SPSB4: variants seen among roughly 807,000 people sequenced by gnomAD.
SPSB4 encodes splA/ryanodine receptor domain and SOCS box containing 4.
SPSB4 carries 21 observed loss-of-function variants against 20.9 expected under a neutral mutation model. The observed-to-expected ratio is 1.01, with a 90% CI of 0.71 to 1.45. The LOEUF (loss-of-function observed/expected upper bound fraction) is 1.45. Among genes scored for constraint, SPSB4 ranks in the 40% most tolerant of loss-of-function variants. The pLI, the probability that SPSB4 is intolerant of heterozygous loss-of-function variation, is 0.00. For missense variants in SPSB4, 399 were observed against 399.2 expected (o/e 1.00, Z 0.00); for synonymous variants, 207 against 183.8 (o/e 1.13, Z -1.02).
At chr3:141,062,836 A>ATGTGTGTCTGTCTAAGGCCCCTCCTT (rs1937790475) in intron 1 of SPSB4, among the ~76,000 whole-genome samples, 2 of 152,088 alleles carry the variant, frequency 1.3e-5, no homozygotes, top group African/African-American at 4.8e-5. Context: ...ACTTGAAAAG[A>ATGTGTGTCTGTCTAAGGCCCCTCCTT]ACATGCATTC....
At chr3:141,093,144 C>A (rs1181255817) in intron 2 of SPSB4, among the ~76,000 whole-genome samples, 1 of 151,904 alleles carries the variant, frequency 6.6e-6, no homozygotes, top group African/African-American at 2.4e-5. Flanking sequence ...GGGGCAGCTG[C>A]AGGGATGTGG....
At chr3:141,086,397 C>G (rs1340618200) in intron 2 of SPSB4, among the ~76,000 whole-genome samples, 1 of 152,188 alleles carries the variant, frequency 6.6e-6, no homozygotes, top group Non-Finnish European at 1.5e-5. Flanking sequence ...GATCCTGCAT[C>G]TGTTAATTAA....
chr3:141,093,788 G>C (rs144759038), intron 2 of SPSB4, among the ~76,000 whole-genome samples: 1,607 of 152,328 alleles, frequency 0.011, 8 homozygotes, highest in Non-Finnish European at 0.017. Context: ...CACCAGCTGG[G>C]CATGAAGAGC....
At chr3:141,077,464 CT>C (rs1433221142) in intron 2 of SPSB4, 9 of 152,260 alleles carry the variant, frequency 5.9e-5, no homozygotes, top group African/African-American at 2.2e-4. Flanking sequence ...ATCATCCCAG[CT>C]TTGAAGTCAT....
rs1277134741 is a variant in SPSB4, at chr3:141,125,615, G to A, written c.695-21527G>A. Reference sequence around the variant, plus strand: ...CTCAGTCTGCCTGCAGAAATAAGCAGTGAATGGATTTCAGGCATGGGCCCA... The same window carrying A: ...CTCAGTCTGCCTGCAGAAATAAGCAATGAATGGATTTCAGGCATGGGCCCA... On this transcript the variant is annotated intron_variant, in intron 2 of 2. Coordinates refer to ENST00000310546, the MANE Select transcript of SPSB4 (RefSeq NM_080862.3). Among the ~76,000 whole-genome samples, 7 of 152,344 alleles carry A rather than the reference G, an allele frequency of 4.6e-5. No homozygotes were observed. The South Asian group carries it at 1.2e-3, about 27-fold the overall frequency.
intron 2 of SPSB4, 72 bp downstream of exon 2, chr3:141,066,870 C>T: frequency 7.1e-7 from 1 of 1,401,664 alleles, no homozygotes; most frequent in South Asian, 1.7e-5. Context: ...GCAGGCCACA[C>T]CTCCATCGCC....
At chr3:141,095,283 C>A (rs1196528794) in intron 2 of SPSB4, among the ~76,000 whole-genome samples, 1 of 152,144 alleles carries the variant, frequency 6.6e-6, no homozygotes, top group Non-Finnish European at 1.5e-5. Context: ...TTCCGGGCTA[C>A]TGCGAGGCGG....
At chr3:141,143,588 A>G (rs1939370300) in intron 2 of SPSB4, among the ~76,000 whole-genome samples, 1 of 152,226 alleles carries the variant, frequency 6.6e-6, no homozygotes, top group South Asian at 2.1e-4. Context: ...GCTTTCTCTA[A>G]TGCTGGTTAT....
At chr3:141,111,737 G>C (rs1247146307) in intron 2 of SPSB4, among the ~76,000 whole-genome samples, 1 of 152,186 alleles carries the variant, frequency 6.6e-6, no homozygotes, top group Non-Finnish European at 1.5e-5. Flanking sequence ...AGCAAATGGA[G>C]TGTTTGGGTC....
In SPSB4 at chr3:141,121,456, C is replaced by T. The variant is rs534635165; in HGVS notation, c.695-25686C>T. Among the ~76,000 whole-genome samples the T allele has an allele frequency of 3.3e-5, 5 of 152,242 alleles. No homozygotes were observed. In the South Asian group the frequency reaches 1.0e-3, roughly 32 times the overall value. On this transcript the variant is annotated intron_variant, in intron 2 of 2. Coordinates refer to ENST00000310546, the MANE Select transcript of SPSB4 (RefSeq NM_080862.3). ...TGTATTTCCTGAATTTGAATGTTGG[C>T]CTGCCTTGCTAGGTTGGGGAAGTTC...
At chr3:141,111,894 G>A (rs1938803000) in intron 2 of SPSB4, among the ~76,000 whole-genome samples, 2 of 152,138 alleles carry the variant, frequency 1.3e-5, no homozygotes, top group African/African-American at 4.8e-5. Context: ...TTCCTCAGAA[G>A]ACCTCAAAGC....
intron 2 of SPSB4, among the ~76,000 whole-genome samples, chr3:141,092,688 G>T (rs2107792434): frequency 6.6e-6 from 1 of 152,342 alleles, no homozygotes; most frequent in Admixed American, 6.5e-5. Flanking sequence ...CTTGCTGTGG[G>T]GTTTACTGCT....
rs190955717 is a variant in SPSB4 at position 141,094,514 on chromosome 3, C to T, written c.694+27716C>T. On this transcript the variant is annotated intron_variant, in intron 2 of 2. Transcript: ENST00000310546. ...TGCATGCACTCTTGTGCCCTGAACTCGGAGAATGGCTGGTGAGAGACTCAG... is the reference window on the plus strand; with the variant it reads ...TGCATGCACTCTTGTGCCCTGAACTTGGAGAATGGCTGGTGAGAGACTCAG... 3.6e-4 allele frequency among the ~76,000 whole-genome samples: 55 copies of T among 152,202 alleles called. No individual in the cohort carries two copies. The East Asian group carries it at 4.8e-3, about 13-fold the overall frequency.
chr3:141,091,031 G>A (rs1938441120), intron 2 of SPSB4, among the ~76,000 whole-genome samples: 1 of 152,226 alleles, frequency 6.6e-6, no homozygotes, highest in South Asian at 2.1e-4. Context: ...TGGAAGGATG[G>A]AGGGGCCATT....
In SPSB4 at chr3:141,066,125, G is replaced by A; in HGVS notation, c.21G>A (p.Gly7=). The part of the protein sequence containing the change: MGQKLS[G]SLKSVEVREP... The stretch of plus-strand genomic sequence containing the variant: ...GAAGCATGGGCCAGAAGCTCTCGGG[G>A]AGCCTCAAGTCAGTGGAGGTGCGAG... The change falls in exon 2 of 3, where the codon GGG becomes GGA. Residue 7 remains glycine (G), a synonymous_variant. Coordinates refer to ENST00000310546, the MANE Select transcript of SPSB4 (RefSeq NM_080862.3). The A allele has an allele frequency of 6.5e-7, 1 of 1,530,626 alleles. No homozygotes were observed. The highest frequency in any genetic ancestry group is 8.8e-7 in the Non-Finnish European group (1 of 1,141,828). 94.8% of individuals were successfully genotyped at this position (1,530,626 alleles called of 1,614,324 possible).
At chr3:141,121,417 T>G (rs1938964778) in intron 2 of SPSB4, among the ~76,000 whole-genome samples, 1 of 152,342 alleles carries the variant, frequency 6.6e-6, no homozygotes, top group Admixed American at 6.5e-5. Flanking sequence ...AAGGAGTATC[T>G]TTGTGGTATT....
At chr3:141,136,088 G>C (rs573081452) in intron 2 of SPSB4, among the ~76,000 whole-genome samples, 2 of 152,154 alleles carry the variant, frequency 1.3e-5, no homozygotes, top group African/African-American at 2.4e-5. Flanking sequence ...TTTCTCTGAT[G>C]GCCAGTGATG....
chr3:141,104,058 T>A (rs1362819062), intron 2 of SPSB4, among the ~76,000 whole-genome samples: 1 of 152,168 alleles, frequency 6.6e-6, no homozygotes, highest in Non-Finnish European at 1.5e-5. Context: ...AGTGAAATGA[T>A]CTCAGCAGTG....
At position 141,147,969 on chromosome 3, in the gene SPSB4, G is replaced by T. The variant is rs748289055; in HGVS notation, c.*700G>T. On this transcript the variant is annotated 3_prime_UTR_variant, in exon 3 of 3. Transcript: ENST00000310546. ...CTGGATGCCCAGACACCTCTCTTCA[G>T]GGAAGATGAGTCTGACTGGTTTGCC... The T allele has an allele frequency of 1.4e-4, 21 of 153,020 alleles. No individual in the cohort carries two copies. Among genetic ancestry groups the T allele is most frequent in the Non-Finnish European group, 2.9e-4 (20 of 68,240 alleles). The allele number at this position is 153,020 out of a possible 1,614,324, so 9.5% of individuals were successfully genotyped here.
Sources: gnomAD v4.1 joint callset for allele counts (sites outside exome capture counted in the v4.1 genomes callset) on GRCh38, gnomAD v4.1.1 for gene constraint, MANE v1.5 for transcripts, NCBI Gene and HGNC (gene_info 2026-07-23, HGNC 2026-07-21) for gene names.